MRTFB: variants seen among roughly 807,000 people sequenced by gnomAD.
MRTFB encodes myocardin related transcription factor B.
A neutral mutation model predicts 104.2 loss-of-function variants in MRTFB; 29 were observed. The observed-to-expected ratio is 0.28, with a 90% CI of 0.21 to 0.38. MRTFB has a LOEUF of 0.38. Among genes scored for constraint, MRTFB ranks in the 10% least tolerant of loss-of-function variants. The pLI is 1.00. For missense variants in MRTFB, 1,270 were observed against 1,341.6 expected (o/e 0.95, Z 0.83); for synonymous variants, 535 against 519.5 (o/e 1.03, Z -0.41).
At chr16:14,058,136 G>A in the MRTFB span, among the ~76,000 whole-genome samples, 16 of 152,314 alleles carry the variant, frequency 1.1e-4, no homozygotes, top group Non-Finnish European at 2.9e-5. Flanking sequence ...ACTTCCTGGG[G>A]AGCCAACTGG....
chr16:14,223,747 A>G (rs1448512141), intron 8 of MRTFB, among the ~76,000 whole-genome samples: 1 of 152,230 alleles, frequency 6.6e-6, no homozygotes, highest in Non-Finnish European at 1.5e-5. Flanking sequence ...CGATCAATGT[A>G]TTCACTATGA....
intron 2 of MRTFB, 69 bp from the exon 3 acceptor site, chr16:14,140,475 T>A: frequency 8.7e-7 from 1 of 1,154,498 alleles, no homozygotes; most frequent in Non-Finnish European, 1.2e-6. Flanking sequence ...GGATTCCCGT[T>A]TTAATACTTT....
chr16:14,226,599 A>C (rs1248558546), intron 8 of MRTFB, among the ~76,000 whole-genome samples: 1 of 152,212 alleles, frequency 6.6e-6, no homozygotes, highest in Non-Finnish European at 1.5e-5. Context: ...TGTAGGGGAA[A>C]GCTTCATTAC....
intron 3 of MRTFB, among the ~76,000 whole-genome samples, chr16:14,166,984 C>A (rs1011501247): frequency 2.0e-5 from 3 of 152,008 alleles, no homozygotes; most frequent in African/African-American, 7.2e-5. Context: ...TGTGCACATA[C>A]CTTGATAATA....
intron 2 of MRTFB, among the ~76,000 whole-genome samples, chr16:14,140,118 T>C (rs1368460477): frequency 6.6e-6 from 1 of 152,210 alleles, no homozygotes; most frequent in African/African-American, 2.4e-5. Context: ...ATAGAAGTCA[T>C]TGTCTGAAAC....
At chr16:14,243,865 T>G (rs930545174) in intron 10 of MRTFB, among the ~76,000 whole-genome samples, 1 of 111,924 alleles carries the variant, frequency 8.9e-6, no homozygotes. Flanking sequence ...CTGTTTTGGG[T>G]TTTTTTTTTT....
At chr16:14,245,163 GCT>G (rs1421166037) in intron 10 of MRTFB, among the ~76,000 whole-genome samples, 2 of 152,110 alleles carry the variant, frequency 1.3e-5, no homozygotes, top group East Asian at 3.8e-4. Flanking sequence ...ATTTGCTGGG[GCT>G]CTCTCATTTG....
the MRTFB span, among the ~76,000 whole-genome samples, chr16:14,011,942 G>C: frequency 3.9e-5 from 6 of 152,156 alleles, no homozygotes; most frequent in African/African-American, 1.4e-4. Flanking sequence ...AACCCACTTG[G>C]GAATTGCCCT....
At chr16:14,189,234 AAAT>A (rs1472337979) in intron 3 of MRTFB, among the ~76,000 whole-genome samples, 5 of 152,308 alleles carry the variant, frequency 3.3e-5, no homozygotes, top group African/African-American at 1.2e-4. Flanking sequence ...AGTCATATAA[AAAT>A]AACTCGGTTC....
the MRTFB span, among the ~76,000 whole-genome samples, chr16:14,063,749 G>T: frequency 1.1e-4 from 17 of 152,348 alleles, no homozygotes; most frequent in African/African-American, 3.6e-4. Context: ...GTAGCAAACA[G>T]CTGTCGTACC....
chr16:14,003,623 G>GGCCGGCCTGCCT, the MRTFB span, among the ~76,000 whole-genome samples: 8 of 85,440 alleles, frequency 9.4e-5, no homozygotes, highest in East Asian at 1.3e-3. Flanking sequence ...GGGGCCGGCC[G>GGCCGGCCTGCCT]GCCTGCCTGC....
At chr16:14,244,281 T>C (rs575764339) in intron 10 of MRTFB, among the ~76,000 whole-genome samples, 1 of 152,302 alleles carries the variant, frequency 6.6e-6, no homozygotes, top group African/African-American at 2.4e-5. Context: ...AATTTAGCCA[T>C]CCAGCTTACT....
chr16:14,234,293 T>C lies in MRTFB; in HGVS notation c.831+10T>C, dbSNP rs1417840985. ...CCCAGCACTGGTGAAGGTGGGTACT[T>C]TGGATACACCCTGGGTTTGGTGGCT... is the stretch of plus-strand genomic sequence containing the variant. On this transcript the variant is annotated intron_variant, in intron 9 of 16. Coordinates refer to ENST00000571589, the MANE Select transcript of MRTFB (RefSeq NM_001308142.2). 1 of 1,613,490 alleles carries C rather than the reference T, an allele frequency of 6.2e-7. No individual in the cohort carries two copies. The highest frequency in any genetic ancestry group is 1.7e-5 in the Admixed American group (1 of 59,896).
chr16:14,059,704 G>T, the MRTFB span, among the ~76,000 whole-genome samples: 1 of 152,162 alleles, frequency 6.6e-6, no homozygotes, highest in Non-Finnish European at 1.5e-5. Flanking sequence ...AAATCATGCT[G>T]GACAGAAAGA....
In MRTFB at chr16:14,194,696, GCTTTT is replaced by G. The variant is rs1204577727; in HGVS notation, c.155-15541_155-15537del. Among the ~76,000 whole-genome samples, 3 of 143,054 alleles carry G rather than the reference GCTTTT, an allele frequency of 2.1e-5. No homozygotes were observed. In the East Asian group the frequency reaches 6.3e-4, roughly 30 times the overall value. 93.8% of individuals were successfully genotyped at this position (143,054 alleles called of 152,430 possible). The stretch of plus-strand genomic sequence containing the variant: ...TATTAGGAAGTATTTCTTTTTGTAT[GCTTTT>G]CTTTTTTTTTTTTTTTTTTAATTAT... On this transcript the variant is annotated intron_variant, in intron 3 of 16. Transcript: ENST00000571589.
chr16:14,062,756 C>T, the MRTFB span, among the ~76,000 whole-genome samples: 1 of 152,174 alleles, frequency 6.6e-6, no homozygotes, highest in Non-Finnish European at 1.5e-5. Flanking sequence ...GAAAAATGCC[C>T]CAAACCACAC....
In MRTFB at chr16:14,213,527, C is replaced by T. The variant is rs764471405; in HGVS notation, c.277-18C>T. On this transcript the variant is annotated intron_variant, in intron 5 of 16. Transcript: ENST00000571589. The stretch of plus-strand genomic sequence containing the variant: ...AAATAATAAATGATTTATGGTAAGA[C>T]TTTTTTTCTTTTTAAAGACTGAAAA... 1.9e-6 allele frequency: 3 copies of T among 1,554,816 alleles called. No individual in the cohort carries two copies. The highest frequency in any genetic ancestry group is 1.4e-5 in the African/African-American group (1 of 72,548).
chr16:14,233,233 C>T (rs1448202818), intron 8 of MRTFB, among the ~76,000 whole-genome samples: 1 of 152,100 alleles, frequency 6.6e-6, no homozygotes, highest in Non-Finnish European at 1.5e-5. Context: ...ATAATGTTGT[C>T]GGTAAAACAG....
At chr16:14,118,710 A>C (rs1210491539) in intron 2 of MRTFB, among the ~76,000 whole-genome samples, 1 of 151,064 alleles carries the variant, frequency 6.6e-6, no homozygotes, top group Non-Finnish European at 1.5e-5. Flanking sequence ...ATATATATAT[A>C]GTGTAAGTAT....
Sources: gnomAD v4.1 joint callset for allele counts (sites outside exome capture counted in the v4.1 genomes callset) on GRCh38, gnomAD v4.1.1 for gene constraint, MANE v1.5 for transcripts, NCBI Gene and HGNC (gene_info 2026-07-23, HGNC 2026-07-21) for gene names.